Variants in VWA5B2 observed in about 807,000 individuals in gnomAD.
VWA5B2 encodes the protein von Willebrand factor A domain-containing protein 5B2.
In VWA5B2, 93 loss-of-function variants were observed where a neutral mutation model predicts 118.5. The ratio of observed to expected loss-of-function variants is 0.79; its 90% confidence interval spans 0.66 to 0.93. The LOEUF is 0.93. Among genes scored for constraint, VWA5B2 ranks in the 40% least tolerant of loss-of-function variants. The pLI is 0.00. For synonymous variants in VWA5B2, 708 were observed against 716.3 expected (o/e 0.99, Z 0.19); for missense variants, 1,546 against 1,672.8 (o/e 0.92, Z 1.32).
At chr3:184,232,269 T>C (rs750902918) in intron 3 of VWA5B2, among the ~76,000 whole-genome samples, 9 of 152,022 alleles carry the variant, frequency 5.9e-5, no homozygotes, top group Non-Finnish European at 8.8e-5. Context: ...GTTATTATGA[T>C]CCCCACTTTA....
chr3:184,241,334 A>C lies in VWA5B2; in HGVS notation c.3110A>C (p.His1037Pro). 2 of 1,551,822 alleles carry C rather than the reference A, an allele frequency of 1.3e-6. No individual in the cohort carries two copies. The highest frequency in any genetic ancestry group is 1.7e-6 in the Non-Finnish European group (2 of 1,147,196). ...PPCRLSMGRR[H>P]KLCSPDPGQA... ...TGTCGGCTCAGCATGGGCCGCCGTC[A>C]CAAACTCTGTAGCCCTGACCCGGGC... Residue 1037 changes from histidine to proline, a missense_variant, in exon 19 of 20, where the codon CAC becomes CCC. Physicochemically the swap from His to Pro is moderately conservative, Grantham distance 77. Coordinates refer to ENST00000691901, the MANE Select transcript of VWA5B2 (RefSeq NM_001390846.1). This position sits in a 1 kb window ranked among gnomAD's most constrained non-coding sequence, Gnocchi z 5.1.
Position 184,239,217 on chromosome 3 carries a change from T to C in VWA5B2, c.2203-177T>C, listed in dbSNP as rs1220315284. Among the ~76,000 whole-genome samples the C allele has an allele frequency of 6.6e-6, 1 of 152,112 alleles. No homozygotes were observed. Among genetic ancestry groups the C allele is most frequent in the Non-Finnish European group, 1.5e-5 (1 of 68,012 alleles). On this transcript the variant is annotated intron_variant, in intron 14 of 19. Transcript: ENST00000691901. The surrounding 1 kb of genome is among the most constrained non-coding windows in gnomAD (Gnocchi z 5.1). ...AATAGGGAGTGGAGTGGGATGATGC[T>C]GGGAAGGGGCCAAGGCCAGAGGTCA...
rs548730521 is a variant in VWA5B2, at chr3:184,233,337, C to T, written c.470C>T (p.Thr157Ile). Residue 157 changes from threonine (T) to isoleucine (I), a missense_variant, in exon 4 of 20, where the codon ACC (threonine) becomes ATC (isoleucine). Physicochemically the swap from Thr to Ile is moderately conservative, Grantham distance 89. Coordinates refer to ENST00000691901, the MANE Select transcript of VWA5B2 (RefSeq NM_001390846.1). The surrounding 1 kb of genome is among the most constrained non-coding windows in gnomAD (Gnocchi z 5.2). ...VLHVALPTVL[T>I]PLAPPGPPGP... is the part of the protein sequence containing the mutation. Reference sequence around the variant, plus strand: ...CATGTGGCCCTGCCCACTGTGCTCACCCCGCTGGCCCCGCCAGGCCCGCCG... The same window carrying T: ...CATGTGGCCCTGCCCACTGTGCTCATCCCGCTGGCCCCGCCAGGCCCGCCG... 1.3e-6 allele frequency: 2 copies of T among 1,536,790 alleles called. No homozygotes were observed. Among genetic ancestry groups the T allele is most frequent in the East Asian group, 4.9e-5 (2 of 40,852 alleles).
rs1718799223 is a variant in VWA5B2, at chr3:184,242,147, C to G, written c.*109C>G. On this transcript the variant is annotated 3_prime_UTR_variant, in exon 20 of 20. Transcript: ENST00000691901. Reference sequence around the variant, plus strand: ...AAAGTGTAGGCTGGTGCCAGCCTGTCCCCCACTGCTTCTTACTCCCTCCCT... The same window carrying G: ...AAAGTGTAGGCTGGTGCCAGCCTGTGCCCCACTGCTTCTTACTCCCTCCCT... 7.5e-7 allele frequency: 1 copy of G among 1,338,132 alleles called. No individual in the cohort carries two copies. Among genetic ancestry groups the G allele is most frequent in the African/African-American group, 1.4e-5 (1 of 69,116 alleles). 82.9% of individuals were successfully genotyped at this position (1,338,132 alleles called of 1,614,324 possible).
rs1717311451 is a variant in VWA5B2, at chr3:184,230,800, G to A, written c.193G>A (p.Glu65Lys). The A allele has an allele frequency of 1.6e-6, 2 of 1,247,622 alleles. No individual in the cohort carries two copies. The highest frequency in any genetic ancestry group is 6.0e-5 in the South Asian group (2 of 33,150). The allele number at this position is 1,247,622 out of a possible 1,614,324, so 77.3% of individuals were successfully genotyped here. A position where few individuals can be genotyped will look rare whatever the true frequency, so the allele number is the denominator to read the frequency against. ...EAEVVSGFEAEAAGRRVSFQL... is the reference protein window; with the variant it reads ...EAEVVSGFEAKAAGRRVSFQL... ...CGAGGTGGTGTCCGGCTTCGAGGCC[G>A]AGGCCGCCGGACGGCGCGTCTCCTT... Residue 65 changes from glutamate to lysine, a missense_variant, in exon 3 of 20, where the codon GAG (glutamate) becomes AAG (lysine). By Grantham distance (56) the Glu-to-Lys change is moderately conservative. Transcript: ENST00000691901.
At chr3:184,231,371 A>G (rs1420126606) in intron 3 of VWA5B2, among the ~76,000 whole-genome samples, 2 of 152,072 alleles carry the variant, frequency 1.3e-5, no homozygotes, top group East Asian at 1.9e-4. Flanking sequence ...CAGCGACCCC[A>G]TACACCAGGT....
intron 16 of VWA5B2, 116 bp downstream of exon 16, chr3:184,240,152 G>A: frequency 1.3e-6 from 1 of 793,620 alleles, no homozygotes; most frequent in South Asian, 2.3e-5. Context: ...AGGATTTGAG[G>A]CTCATCACAG....
At position 184,239,009 on chromosome 3, in the gene VWA5B2, T is replaced by C. The variant is rs543919453; in HGVS notation, c.2202+136T>C. 3.1e-6 allele frequency: 3 copies of C among 977,026 alleles called. No individual in the cohort carries two copies. Among genetic ancestry groups the C allele is most frequent in the South Asian group, 2.0e-5 (1 of 50,872 alleles). 60.5% of individuals were successfully genotyped at this position (977,026 alleles called of 1,614,324 possible). ...GGTGGGTAAATCCCCAACGATACCA[T>C]GTAACAACCAGTGATGAGCACAAGG... On this transcript the variant is annotated intron_variant, in intron 14 of 19. Transcript: ENST00000691901. The surrounding 1 kb of genome is among the most constrained non-coding windows in gnomAD (Gnocchi z 5.1).
chr3:184,234,824 G>T (rs1428007817), intron 7 of VWA5B2, 69 bp downstream of exon 7: 20 of 1,543,830 alleles, frequency 1.3e-5, no homozygotes, highest in Non-Finnish European at 1.6e-5. Flanking sequence ...CAGGCAAGCA[G>T]GCTTACATTG....
In VWA5B2 at chr3:184,230,980, C is replaced by G. The variant is rs540460903; in HGVS notation, c.310+63C>G. On this transcript the variant is annotated intron_variant, in intron 3 of 19. Coordinates refer to ENST00000691901, the MANE Select transcript of VWA5B2 (RefSeq NM_001390846.1). The stretch of plus-strand genomic sequence containing the variant: ...CGGGCGCAGCTCAGGCTCCCGCATC[C>G]GCTCGGCCTCCGCCCGTCCCCCGCC... 1.5e-4 allele frequency: 186 copies of G among 1,204,174 alleles called. No homozygotes were observed. The African/African-American group carries it at 2.8e-3, about 18-fold the overall frequency. The allele number at this position is 1,204,174 out of a possible 1,614,324, so 74.6% of individuals were successfully genotyped here.
chr3:184,237,301 G>A lies in VWA5B2; in HGVS notation c.1609G>A (p.Val537Met). The A allele has an allele frequency of 1.3e-6, 2 of 1,551,632 alleles. No homozygotes were observed. Among genetic ancestry groups the A allele is most frequent in the Non-Finnish European group, 1.7e-6 (2 of 1,147,032 alleles). Residue 537 changes from valine to methionine, a missense_variant, in exon 12 of 20, where the codon GTG (valine) becomes ATG (methionine). This residue lies in a region of VWA5B2 where 775 missense variants were observed against 882.3 expected (regional missense o/e 0.88). Coordinates refer to ENST00000691901, the MANE Select transcript of VWA5B2 (RefSeq NM_001390846.1). This position sits in a 1 kb window ranked among gnomAD's most constrained non-coding sequence, Gnocchi z 5.6. Reference sequence around the variant, plus strand: ...TGTGGACTGGTTTGTGCCCGACACTGTGGAGGCACTGCTGACCCCCCGGGA... The same window carrying A: ...TGTGGACTGGTTTGTGCCCGACACTATGGAGGCACTGCTGACCCCCCGGGA... Reference protein sequence around the residue: ...ISVDWFVPDTVEALLTPREIP... With the variant: ...ISVDWFVPDTMEALLTPREIP...
chr3:184,234,306 C>T lies in VWA5B2; in HGVS notation c.729C>T (p.Pro243=). Residue 243 remains proline, a synonymous_variant, in exon 6 of 20, where the codon CCC becomes CCT. Transcript: ENST00000691901. ...SPSHALRADA[P]PHASSAATIC... is the part of the protein sequence containing the mutation. ...CTCATGCTCTGCGGGCAGATGCCCC[C>T]CCTCATGCCAGCTCTGCAGCCACCA... is the stretch of plus-strand genomic sequence containing the variant. The T allele has an allele frequency of 6.4e-7, 1 of 1,551,768 alleles. No individual in the cohort carries two copies. The highest frequency in any genetic ancestry group is 1.2e-5 in the South Asian group (1 of 84,068).
At position 184,238,502 on chromosome 3, in the gene VWA5B2, T is replaced by C; in HGVS notation, c.1891+28T>C. 6.5e-7 allele frequency: 1 copy of C among 1,535,894 alleles called. No homozygotes were observed. Among genetic ancestry groups the C allele is most frequent in the South Asian group, 1.2e-5 (1 of 83,144 alleles). Reference sequence around the variant, plus strand: ...GAGTGCCCAGGTGTATGTGTGTGGCTGTATTGGAGTGGGCGCTGGGAGGGG... The same window carrying C: ...GAGTGCCCAGGTGTATGTGTGTGGCCGTATTGGAGTGGGCGCTGGGAGGGG... On this transcript the variant is annotated intron_variant, in intron 13 of 19. Coordinates refer to ENST00000691901, the MANE Select transcript of VWA5B2 (RefSeq NM_001390846.1). The surrounding 1 kb of genome is among the most constrained non-coding windows in gnomAD (Gnocchi z 5.0).
Position 184,239,315 on chromosome 3 carries a change from A to C in VWA5B2, c.2203-79A>C. On this transcript the variant is annotated intron_variant, in intron 14 of 19. Coordinates refer to ENST00000691901, the MANE Select transcript of VWA5B2 (RefSeq NM_001390846.1). The surrounding 1 kb of genome is among the most constrained non-coding windows in gnomAD (Gnocchi z 5.1). Reference sequence around the variant, plus strand: ...CCACCCAGGGTTTCAGAAAAGGGGCATGGGCCAGCTGTGCACCCATGTATG... The same window carrying C: ...CCACCCAGGGTTTCAGAAAAGGGGCCTGGGCCAGCTGTGCACCCATGTATG... 1.4e-6 allele frequency: 2 copies of C among 1,397,292 alleles called. No individual in the cohort carries two copies. Among genetic ancestry groups the C allele is most frequent in the South Asian group, 1.6e-5 (1 of 61,464 alleles). 86.6% of individuals were successfully genotyped at this position (1,397,292 alleles called of 1,614,324 possible). A position where few individuals can be genotyped will look rare whatever the true frequency, so the allele number is the denominator to read the frequency against.
At position 184,240,853 on chromosome 3, in the gene VWA5B2, T is replaced by G. The variant is rs1474007917; in HGVS notation, c.2803T>G (p.Cys935Gly). The G allele has an allele frequency of 5.8e-6, 9 of 1,551,700 alleles. No homozygotes were observed. The highest frequency in any genetic ancestry group is 7.8e-6 in the Non-Finnish European group (9 of 1,146,962). The change falls in exon 17 of 20, where the codon TGC (cysteine) becomes GGC (glycine). Residue 935 changes from cysteine (C) to glycine (G), a missense_variant. Cys to Gly is a radical substitution (Grantham distance 159). Coordinates refer to ENST00000691901, the MANE Select transcript of VWA5B2 (RefSeq NM_001390846.1). ...QTSKVSSAPSCFTCPVAVDAT... is the reference protein window; with the variant it reads ...QTSKVSSAPSGFTCPVAVDAT... ...AAGTAAGGTCAGCTCTGCCCCCTCCTGCTTCACTTGCCCTGTAGCTGTGGA... is the reference window on the plus strand; with the variant it reads ...AAGTAAGGTCAGCTCTGCCCCCTCCGGCTTCACTTGCCCTGTAGCTGTGGA...
rs755127631 is a variant in VWA5B2, at chr3:184,241,415, G to T, written c.3180+11G>T. On this transcript the variant is annotated intron_variant, in intron 19 of 19. Transcript: ENST00000691901. This position sits in a 1 kb window ranked among gnomAD's most constrained non-coding sequence, Gnocchi z 5.1. ...GACTACCTGCCCTTGGTGAGGACTC[G>T]GGAGGTGGAGGGTGGTGCCGCCGGG... 6.7e-5 allele frequency: 106 copies of T among 1,576,442 alleles called. No homozygotes were observed. The highest frequency in any genetic ancestry group is 8.0e-5 in the Non-Finnish European group (93 of 1,160,280).
intron 7 of VWA5B2, 27 bp downstream of exon 7, chr3:184,234,782 C>T (rs1422639268): frequency 6.4e-6 from 10 of 1,550,656 alleles, no homozygotes; most frequent in Non-Finnish European, 7.8e-6. Context: ...CTGGCCTGGC[C>T]CCTGGCCTTG....
chr3:184,234,124 G>A, intron 5 of VWA5B2, 142 bp from the exon 6 acceptor site: 1 of 1,108,156 alleles, frequency 9.0e-7, no homozygotes, highest in Non-Finnish European at 1.3e-6. Context: ...CATGAAAGCA[G>A]GCACATCCTC....
Position 184,241,871 on chromosome 3 carries a change from GA to G in VWA5B2, c.3564del (p.Glu1188AspfsTer2). ...HRCAAAFDEW[E>X]LTAAKADCWL... Reference sequence around the variant, plus strand: ...ATGCGCCGCTGCCTTCGACGAGTGGGAACTGACAGCGGCCAAGGCTGATTGC... The same window carrying G: ...ATGCGCCGCTGCCTTCGACGAGTGGGACTGACAGCGGCCAAGGCTGATTGC... On this transcript the variant is annotated frameshift_variant, in exon 20 of 20. Coordinates refer to ENST00000691901, the MANE Select transcript of VWA5B2 (RefSeq NM_001390846.1). LOFTEE classifies it high-confidence loss of function. The surrounding 1 kb of genome is among the most constrained non-coding windows in gnomAD (Gnocchi z 5.1). 1 of 1,546,064 alleles carries G rather than the reference GA, an allele frequency of 6.5e-7. No homozygotes were observed. Among genetic ancestry groups the G allele is most frequent in the South Asian group, 1.2e-5 (1 of 83,986 alleles).
Sources: gnomAD v4.1 joint callset for allele counts (sites outside exome capture counted in the v4.1 genomes callset) on GRCh38, gnomAD v4.1.1 for gene constraint, gnomAD v4.1.1 regional missense constraint, Gnocchi (gnomAD v3.1) non-coding constraint, MANE v1.5 for transcripts, NCBI Gene and HGNC (gene_info 2026-07-23, HGNC 2026-07-21) for gene names.